Variants in CACUL1 observed in about 807,000 individuals in gnomAD.
CACUL1 encodes the protein CDK2 associated cullin domain 1.
A neutral mutation model predicts 45.2 loss-of-function variants in CACUL1; 13 were observed. The ratio of observed to expected loss-of-function variants is 0.29; its 90% CI spans 0.19 to 0.46. CACUL1 has a LOEUF of 0.46. CACUL1 is among the 20% of genes least tolerant of loss of function. CACUL1 has a pLI of 1.00. For synonymous variants in CACUL1, 197 were observed against 174.2 expected, an observed-to-expected ratio of 1.13 and a Z score of -1.03; for missense variants, 421 against 471.4, an observed-to-expected ratio of 0.89 and a Z score of 0.99.
chr10:118,742,304 T>C (rs1845800077), intron 1 of CACUL1, among the ~76,000 whole-genome samples: 2 of 152,206 alleles, frequency 1.3e-5, no homozygotes, highest in Non-Finnish European at 2.9e-5. Flanking sequence ...TGTCAAGACA[T>C]ACCATAAAAG....
chr10:118,691,416 G>T lies in CACUL1; in HGVS notation c.887-13C>A. The T allele has an allele frequency of 6.2e-7, 1 of 1,603,916 alleles. No individual in the cohort carries two copies. Among genetic ancestry groups the T allele is most frequent in the Non-Finnish European group, 8.5e-7 (1 of 1,173,282 alleles). On this transcript the variant is annotated splice_polypyrimidine_tract_variant and intron_variant, in intron 6 of 8. Transcript: ENST00000369151. The stretch of plus-strand genomic sequence containing the variant: ...ATCTGAACCCACTCTGTGAGGAAAG[G>T]AAACAATTCATTAAGGAAATCATAT...
At chr10:118,734,585 C>T (rs1353384575) in intron 1 of CACUL1, among the ~76,000 whole-genome samples, 4 of 152,104 alleles carry the variant, frequency 2.6e-5, no homozygotes, top group Non-Finnish European at 4.4e-5. Context: ...ACAGGAGCCA[C>T]GCTAATAACA....
At chr10:118,743,485 C>T (rs896501202) in intron 1 of CACUL1, among the ~76,000 whole-genome samples, 1 of 151,982 alleles carries the variant, frequency 6.6e-6, no homozygotes, top group African/African-American at 2.4e-5. Context: ...ATTAAAGAAA[C>T]AATAAGGCCG....
chr10:118,698,345 T>C (rs1464116946), intron 5 of CACUL1, among the ~76,000 whole-genome samples: 1 of 152,136 alleles, frequency 6.6e-6, no homozygotes, highest in Non-Finnish European at 1.5e-5. Flanking sequence ...GGTTTCACCA[T>C]GTTGACCAGG....
intron 1 of CACUL1, among the ~76,000 whole-genome samples, chr10:118,732,287 G>T (rs1189024100): frequency 6.6e-6 from 1 of 152,212 alleles, no homozygotes; most frequent in Non-Finnish European, 1.5e-5. Flanking sequence ...TTTGCTGATA[G>T]ATTAGATGTG....
At position 118,729,367 on chromosome 10, in the gene CACUL1, G is replaced by A. The variant is rs1389674108; in HGVS notation, c.525C>T (p.His175=). 3 of 1,612,168 alleles carry A rather than the reference G, an allele frequency of 1.9e-6. No homozygotes were observed. The highest frequency in any genetic ancestry group is 3.3e-5 in the Admixed American group (2 of 60,002). Residue 175 remains histidine, a synonymous_variant, in exon 3 of 9, where the codon CAC becomes CAT. Coordinates refer to ENST00000369151, the MANE Select transcript of CACUL1 (RefSeq NM_153810.5). ...TCAGATCACTATACATCTGTTCCGA[G>A]TGCTGCTGGCATACACATTTATACA... ...SCVYKCVCQQ[H]SEQMYSDLIK...
At chr10:118,686,279 A>C in intron 8 of CACUL1, 111 bp from the exon 9 acceptor site, 1 of 941,354 alleles carries the variant, frequency 1.1e-6, no homozygotes, top group Non-Finnish European at 1.7e-6. Flanking sequence ...CTCCCCAAAA[A>C]AGGCTTAAAA....
Position 118,680,077 on chromosome 10 carries a change from A to C in CACUL1, c.*6051T>G, listed in dbSNP as rs1845138887. 6.6e-6 allele frequency: 1 copy of C among 152,132 alleles called. No homozygotes were observed. Among genetic ancestry groups the C allele is most frequent in the Admixed American group, 6.5e-5 (1 of 15,272 alleles). The allele number at this position is 152,132 out of a possible 1,614,324, so 9.4% of individuals were successfully genotyped here. ...TAAAGGAAAACAGATTAAAAAAAAA[A>C]CCTACTCAAGACTACAGCTAGTTAA... On this transcript the variant is annotated 3_prime_UTR_variant, in exon 9 of 9. Coordinates refer to ENST00000369151, the MANE Select transcript of CACUL1 (RefSeq NM_153810.5).
intron 1 of CACUL1, among the ~76,000 whole-genome samples, chr10:118,731,739 G>T (rs1374500334): frequency 6.6e-6 from 1 of 152,110 alleles, no homozygotes; most frequent in Admixed American, 6.6e-5. Flanking sequence ...GAATTTTTAT[G>T]GCAATTAACT....
rs67317758 is a variant in CACUL1 at position 118,679,095 on chromosome 10, A to T, written c.*7033T>A. 27,122 of 152,124 alleles carry T rather than the reference A, an allele frequency of 0.18. 3,088 individuals are homozygous for T. Among genetic ancestry groups the T allele is most frequent in the African/African-American group, 0.3 (12,350 of 41,466 alleles). The allele number at this position is 152,124 out of a possible 1,614,324, so 9.4% of individuals were successfully genotyped here. On this transcript the variant is annotated 3_prime_UTR_variant, in exon 9 of 9. Coordinates refer to ENST00000369151, the MANE Select transcript of CACUL1 (RefSeq NM_153810.5). Reference sequence around the variant, plus strand: ...GTTATCCTAGCTGAAATGCAGTGGTATCATCATAGCTCAATGCAGCCTCAA... The same window carrying T: ...GTTATCCTAGCTGAAATGCAGTGGTTTCATCATAGCTCAATGCAGCCTCAA...
rs1171294186 is a variant in CACUL1, at chr10:118,680,897, A to G, written c.*5231T>C. 1 of 152,198 alleles carries G rather than the reference A, an allele frequency of 6.6e-6. No individual in the cohort carries two copies. The highest frequency in any genetic ancestry group is 6.5e-5 in the Admixed American group (1 of 15,278). The allele number at this position is 152,198 out of a possible 1,614,324, so 9.4% of individuals were successfully genotyped here. A position where few individuals can be genotyped will look rare whatever the true frequency, so the allele number is the denominator to read the frequency against. ...ATTAATATGCTATAAGCAAAATCAA[A>G]TATTCTATATTATAACAAAGTTCCA... On this transcript the variant is annotated 3_prime_UTR_variant, in exon 9 of 9. Transcript: ENST00000369151.
chr10:118,682,873 T>C lies in CACUL1; in HGVS notation c.*3255A>G, dbSNP rs187621741. The C allele has an allele frequency of 2.3e-4, 35 of 152,534 alleles. No homozygotes were observed. Among genetic ancestry groups the C allele is most frequent in the Non-Finnish European group, 7.3e-5 (5 of 68,032 alleles). The allele number at this position is 152,534 out of a possible 1,614,324, so 9.4% of individuals were successfully genotyped here. A position where few individuals can be genotyped will look rare whatever the true frequency, so the allele number is the denominator to read the frequency against. ...ACTCTAGACCCCAAAGGGAGGGTAA[T>C]TGCTGCAAATTTGTTAAAGGGACAG... On this transcript the variant is annotated 3_prime_UTR_variant, in exon 9 of 9. Coordinates refer to ENST00000369151, the MANE Select transcript of CACUL1 (RefSeq NM_153810.5).
At chr10:118,690,438 A>C (rs1310186898) in intron 7 of CACUL1, among the ~76,000 whole-genome samples, 1 of 151,674 alleles carries the variant, frequency 6.6e-6, no homozygotes, top group African/African-American at 2.4e-5. Context: ...AATGTATTTT[A>C]GTTGAAAAAT....
intron 3 of CACUL1, among the ~76,000 whole-genome samples, chr10:118,716,172 C>T (rs1845542351): frequency 6.6e-6 from 1 of 150,672 alleles, no homozygotes. Flanking sequence ...GTGGAGCTTG[C>T]AGTAAGCCAA....
chr10:118,735,871 G>C (rs1193878346), intron 1 of CACUL1, among the ~76,000 whole-genome samples: 1 of 151,868 alleles, frequency 6.6e-6, no homozygotes, highest in African/African-American at 2.4e-5. Flanking sequence ...AATTATGAAT[G>C]ACTTTTTAAT....
In CACUL1 at chr10:118,676,433, T is replaced by G. The variant is rs1232864822; in HGVS notation, c.*9695A>C. 1.3e-5 allele frequency: 2 copies of G among 152,180 alleles called. No individual in the cohort carries two copies. Among genetic ancestry groups the G allele is most frequent in the African/African-American group, 2.4e-5 (1 of 41,452 alleles). 9.4% of individuals were successfully genotyped at this position (152,180 alleles called of 1,614,324 possible). A position where few individuals can be genotyped will look rare whatever the true frequency, so the allele number is the denominator to read the frequency against. ...TACTGACATTGGAAAAGATGAAAATTTATTATAAAAATTTCAACAACACAC... is the reference window on the plus strand; with the variant it reads ...TACTGACATTGGAAAAGATGAAAATGTATTATAAAAATTTCAACAACACAC... On this transcript the variant is annotated 3_prime_UTR_variant, in exon 9 of 9. Transcript: ENST00000369151.
At position 118,678,739 on chromosome 10, in the gene CACUL1, A is replaced by C. The variant is rs1334701377; in HGVS notation, c.*7389T>G. 2 of 152,092 alleles carry C rather than the reference A, an allele frequency of 1.3e-5. No individual in the cohort carries two copies. Among genetic ancestry groups the C allele is most frequent in the Non-Finnish European group, 2.9e-5 (2 of 68,016 alleles). The allele number at this position is 152,092 out of a possible 1,614,324, so 9.4% of individuals were successfully genotyped here. A position where few individuals can be genotyped will look rare whatever the true frequency, so the allele number is the denominator to read the frequency against. ...AATCTTGTATTCCTGAGACCAATCC[A>C]TTTTGGTCATCATTTGTTACATTTT... On this transcript the variant is annotated 3_prime_UTR_variant, in exon 9 of 9. Coordinates refer to ENST00000369151, the MANE Select transcript of CACUL1 (RefSeq NM_153810.5).
chr10:118,737,051 CAATTCTCAG>C, intron 1 of CACUL1, among the ~76,000 whole-genome samples: 1 of 148,702 alleles, frequency 6.7e-6, no homozygotes, highest in Middle Eastern at 3.6e-3. Flanking sequence ...CCTAACAAAA[CAATTCTCAG>C]AATTCTCAGA....
chr10:118,735,457 A>T (rs1845731862), intron 1 of CACUL1, among the ~76,000 whole-genome samples: 1 of 152,234 alleles, frequency 6.6e-6, no homozygotes, highest in African/African-American at 2.4e-5. Context: ...GTCAGGCCCC[A>T]ACACAGACCT....
Sources: gnomAD v4.1 joint callset for allele counts (sites outside exome capture counted in the v4.1 genomes callset) on GRCh38, gnomAD v4.1.1 for gene constraint, MANE v1.5 for transcripts, NCBI Gene and HGNC (gene_info 2026-07-23, HGNC 2026-07-21) for gene names.